The following WASHC2C variants were observed in gnomAD, a reference collection of about 807,000 sequenced individuals.
WASHC2C encodes the protein Vaccinia Penetration Factor.
In WASHC2C, 73 loss-of-function variants were observed where a neutral mutation model predicts 142.2. That is an observed-to-expected ratio of 0.51 (90% confidence interval 0.43 to 0.62). The LOEUF (loss-of-function observed/expected upper bound fraction) is 0.62, where lower values mean the gene tolerates loss of function less well. Ranked by LOEUF, WASHC2C falls within the 20% of genes least tolerant of loss-of-function variation. WASHC2C has a pLI of 0.00. For missense variants in WASHC2C, 969 were observed against 1,531.7 expected, an observed-to-expected ratio of 0.63 and a Z score of 6.13; for synonymous variants, 337 against 565.5, an observed-to-expected ratio of 0.60 and a Z score of 5.73.
Position 45,729,023 on chromosome 10 carries a change from G to T in WASHC2C, c.288G>T (p.Glu96Asp). ...FLMLSNTQFIENRVYDEEVEE... is the reference protein window; with the variant it reads ...FLMLSNTQFIDNRVYDEEVEE... ...TGCTCTCTAATACCCAGTTCATAGA[G>T]AATGTGAGTTATTTAGTTATATTAT... Residue 96 changes from glutamate to aspartate, a missense_variant, in exon 3 of 31, where the codon GAG becomes GAT. Transcript: ENST00000623400. The T allele has an allele frequency of 6.2e-7, 1 of 1,610,742 alleles. No homozygotes were observed. The highest frequency in any genetic ancestry group is 8.5e-7 in the Non-Finnish European group (1 of 1,179,006).
intron 19 of WASHC2C, among the ~76,000 whole-genome samples, chr10:45,766,700 A>G (rs1441235145): frequency 4.7e-5 from 7 of 147,526 alleles, no homozygotes; most frequent in South Asian, 2.2e-4. Flanking sequence ...TGTGATCTGG[A>G]TAGATACTAC....
At chr10:45,785,677 G>C (rs782662728) in intron 26 of WASHC2C, 46 bp downstream of exon 26, 5 of 1,611,516 alleles carry the variant, frequency 3.1e-6, no homozygotes, top group Non-Finnish European at 4.2e-6. Flanking sequence ...TTGCATCCCA[G>C]TACAGAGAAA....
Position 45,784,850 on chromosome 10 carries a change from T to G in WASHC2C, c.2637T>G (p.Phe879Leu). The G allele has an allele frequency of 9.3e-6, 15 of 1,608,336 alleles. No individual in the cohort carries two copies. Among genetic ancestry groups the G allele is most frequent in the Non-Finnish European group, 1.2e-5 (14 of 1,177,544 alleles). Reference sequence around the variant, plus strand: ...TAGAGCCAAGTGTTGGGAGCCTGTTTGGGGATGATGAAGATGATGATCTTT... The same window carrying G: ...TAGAGCCAAGTGTTGGGAGCCTGTTGGGGGATGATGAAGATGATGATCTTT... ...KLLEPSVGSLFGDDEDDDLFS... is the reference protein window; with the variant it reads ...KLLEPSVGSLLGDDEDDDLFS... The change falls in exon 25 of 31, where the codon TTT (phenylalanine) becomes TTG (leucine). Residue 879 changes from phenylalanine (F) to leucine (L), a missense_variant. By Grantham distance (22) the Phe-to-Leu change is conservative. Coordinates refer to ENST00000623400, the MANE Select transcript of WASHC2C (RefSeq NM_001330074.2).
intron 8 of WASHC2C, among the ~76,000 whole-genome samples, chr10:45,749,687 G>T (rs1470757624): frequency 6.6e-6 from 1 of 150,590 alleles, no homozygotes; most frequent in Non-Finnish European, 1.5e-5. Context: ...TTTGCTGGGC[G>T]TAGTGGTGCA....
In WASHC2C at chr10:45,757,812, C is replaced by T. The variant is rs2054498675; in HGVS notation, c.1548+673C>T. ...GCCTTCCTATGAGAATCTGATGCTG[C>T]CACTGATCTGACAGGAGGAGGAGCT... On this transcript the variant is annotated intron_variant, in intron 16 of 30. Transcript: ENST00000623400. 2.0e-5 allele frequency among the ~76,000 whole-genome samples: 3 copies of T among 152,246 alleles called. No individual in the cohort carries two copies. In the South Asian group the frequency reaches 6.2e-4, roughly 31 times the overall value.
chr10:45,734,150 G>A (rs1349839734), intron 3 of WASHC2C, among the ~76,000 whole-genome samples: 49 of 152,082 alleles, frequency 3.2e-4, no homozygotes, highest in Non-Finnish European at 2.5e-4. Context: ...GCATGAACCC[G>A]GGAGGCAGAG....
chr10:45,752,746 T>C, intron 12 of WASHC2C, 40 bp downstream of exon 12: 3 of 1,475,368 alleles, frequency 2.0e-6, no homozygotes, highest in Non-Finnish European at 2.8e-6. Context: ...TGCAGCTAGC[T>C]GTGTCAGGGG....
intron 5 of WASHC2C, among the ~76,000 whole-genome samples, chr10:45,740,909 GACACACAAGGCC>G (rs1554867520): frequency 6.7e-6 from 1 of 149,978 alleles, no homozygotes; most frequent in Non-Finnish European, 1.5e-5. Context: ...GAGGCCTTGT[GACACACAAGGCC>G]TTCCGAATTA....
intron 4 of WASHC2C, among the ~76,000 whole-genome samples, chr10:45,739,360 G>C (rs2051691692): frequency 1.3e-5 from 2 of 149,974 alleles, no homozygotes; most frequent in Admixed American, 6.7e-5. Flanking sequence ...TATTTGTAGA[G>C]GGGGAAATGA....
intron 16 of WASHC2C, among the ~76,000 whole-genome samples, chr10:45,757,977 A>G (rs1170709467): frequency 1.3e-5 from 2 of 152,202 alleles, no homozygotes; most frequent in Non-Finnish European, 2.9e-5. Context: ...TTTTGTTCTA[A>G]GAAACTCAGG....
chr10:45,772,599 C>T (rs2596953), intron 20 of WASHC2C, among the ~76,000 whole-genome samples: 4 of 152,010 alleles, frequency 2.6e-5, no homozygotes, highest in Non-Finnish European at 4.4e-5. Context: ...TGCCTGTAGT[C>T]GTAGCTACTT....
In WASHC2C at chr10:45,788,995, A is replaced by T. The variant is rs2058243666; in HGVS notation, c.3212A>T (p.Asp1071Val). 4 of 1,611,906 alleles carry T rather than the reference A, an allele frequency of 2.5e-6. No homozygotes were observed. Among genetic ancestry groups the T allele is most frequent in the African/African-American group, 1.3e-5 (1 of 74,882 alleles). ...AGAGGACCCATTGCACAGTGGGCTGATGGCGCCATTTCCCCAAATGGCCAT... is the reference window on the plus strand; with the variant it reads ...AGAGGACCCATTGCACAGTGGGCTGTTGGCGCCATTTCCCCAAATGGCCAT... ...VPRGPIAQWA[D>V]GAISPNGHRP... Residue 1071 changes from aspartate (D) to valine (V), a missense_variant, in exon 29 of 31, where the codon GAT becomes GTT. By Grantham distance (152) the Asp-to-Val change is radical. Coordinates refer to ENST00000623400, the MANE Select transcript of WASHC2C (RefSeq NM_001330074.2).
intron 18 of WASHC2C, among the ~76,000 whole-genome samples, chr10:45,765,257 T>G (rs1320921713): frequency 2.7e-5 from 4 of 149,902 alleles, no homozygotes; most frequent in African/African-American, 9.9e-5. Flanking sequence ...AGTTCTCTCC[T>G]TTCAGCCATT....
At chr10:45,736,755 T>G (rs2051326289) in intron 3 of WASHC2C, among the ~76,000 whole-genome samples, 1 of 152,174 alleles carries the variant, frequency 6.6e-6, no homozygotes. Flanking sequence ...AGGGAACTAT[T>G]TTAAAATACA....
chr10:45,742,604 C>T (rs868928129), intron 5 of WASHC2C, among the ~76,000 whole-genome samples: 1 of 152,228 alleles, frequency 6.6e-6, no homozygotes, highest in Non-Finnish European at 1.5e-5. Flanking sequence ...GCATGAGCCA[C>T]TGTGCCCGGC....
intron 12 of WASHC2C, among the ~76,000 whole-genome samples, 159 bp from the exon 13 acceptor site, chr10:45,753,021 T>TGATTTTGCC: frequency 9.7e-6 from 1 of 102,926 alleles, no homozygotes; most frequent in East Asian, 2.9e-4. Flanking sequence ...TTTTAGGGTC[T>TGATTTTGCC]GATTTTGCCA....
chr10:45,727,770 GGCTCA>G (rs1156839287), intron 2 of WASHC2C, among the ~76,000 whole-genome samples: 1 of 152,126 alleles, frequency 6.6e-6, no homozygotes, highest in Non-Finnish European at 1.5e-5. Flanking sequence ...TGGGGTTTCT[GGCTCA>G]GCTCCATCCG....
intron 3 of WASHC2C, 91 bp from the exon 4 acceptor site, chr10:45,737,892 T>C (rs1274228651): frequency 6.2e-7 from 1 of 1,611,452 alleles, no homozygotes; most frequent in Non-Finnish European, 8.5e-7. Flanking sequence ...CTTCCGCATC[T>C]TTGTCCTTAG....
rs535753043 is a variant in WASHC2C, at chr10:45,761,256, G to A, written c.1635+1855G>A. Among the ~76,000 whole-genome samples, 760 of 151,764 alleles carry A rather than the reference G, an allele frequency of 5.0e-3. 6 individuals are homozygous for A. The highest frequency in any genetic ancestry group is 0.017 in the African/African-American group (688 of 41,150). On this transcript the variant is annotated intron_variant, in intron 17 of 30. Transcript: ENST00000623400. ...CTCCCAGCATGTAGTCAGGGAAGCC[G>A]GTCCTCTTACATACTGGCTCAGGGC...
Sources: allele counts gnomAD v4.1 joint callset (sites outside exome capture counted in the v4.1 genomes callset), GRCh38; gene constraint gnomAD v4.1.1; transcripts MANE v1.5; gene names NCBI Gene and HGNC (gene_info 2026-07-23, HGNC 2026-07-21).